The following DCAF1 variants were observed in gnomAD, a reference collection of about 807,000 sequenced individuals.
The protein encoded by DCAF1 is DDB1- and CUL4-associated factor 1.
Under a neutral mutation model 128.0 loss-of-function variants are expected in DCAF1, and 15 were observed. The observed-to-expected ratio is 0.12, with a 90% CI of 0.08 to 0.18. DCAF1 has a LOEUF of 0.18. Among genes scored for constraint, DCAF1 ranks in the 10% least tolerant of loss-of-function variants. The pLI is 1.00. For synonymous variants in DCAF1, 610 were observed against 603.0 expected, an observed-to-expected ratio of 1.01 and a Z score of -0.17; for missense variants, 988 against 1,649.5, an observed-to-expected ratio of 0.60 and a Z score of 6.95.
At chr3:51,426,936 G>T (rs1411834205) in intron 13 of DCAF1, among the ~76,000 whole-genome samples, 2 of 152,058 alleles carry the variant, frequency 1.3e-5, no homozygotes, top group Non-Finnish European at 2.9e-5. Flanking sequence ...AAACTAATTT[G>T]TGAAAATCCT....
chr3:51,502,804 AC>A (rs1553664611), upstream of DCAF1, among the ~76,000 whole-genome samples: 1 of 151,960 alleles, frequency 6.6e-6, no homozygotes, highest in Non-Finnish European at 1.5e-5. Context: ...ATAGCCACAC[AC>A]CTGCAGACAC....
chr3:51,414,156 AG>A, intron 19 of DCAF1, 113 bp from the exon 20 acceptor site: 1 of 1,356,108 alleles, frequency 7.4e-7, no homozygotes, highest in Non-Finnish European at 9.7e-7. Flanking sequence ...ATACTTTAAA[AG>A]TCAATGAGAT....
downstream of DCAF1, chr3:51,396,107 T>TAA (rs2089184590): frequency 4.9e-6 from 2 of 409,594 alleles, no homozygotes; most frequent in African/African-American, 2.1e-5. Context: ...GGTATGTTGT[T>TAA]AAGTCCAAAA....
chr3:51,401,341 T>G (rs890445221), intron 24 of DCAF1, among the ~76,000 whole-genome samples: 1 of 152,168 alleles, frequency 6.6e-6, no homozygotes, highest in South Asian at 2.1e-4. Context: ...TCAGAGCTAC[T>G]GCTCTAAAGG....
chr3:51,485,904 T>A (rs1485098860), intron 2 of DCAF1, among the ~76,000 whole-genome samples: 6 of 151,608 alleles, frequency 4.0e-5, no homozygotes, highest in Non-Finnish European at 7.4e-5. Flanking sequence ...TTTTTTTTTT[T>A]TTTTTTGAGG....
At chr3:51,489,336 G>A (rs1200649062) in intron 2 of DCAF1, among the ~76,000 whole-genome samples, 4 of 152,072 alleles carry the variant, frequency 2.6e-5, no homozygotes, top group African/African-American at 7.2e-5. Context: ...AGTAGGCTGA[G>A]GCATGAGAAT....
chr3:51,488,935 A>G (rs1332184212), intron 2 of DCAF1, among the ~76,000 whole-genome samples: 1 of 152,202 alleles, frequency 6.6e-6, no homozygotes, highest in African/African-American at 2.4e-5. Context: ...ACTGCATTCC[A>G]GTCTGCGCGA....
At chr3:51,419,584 T>G (rs1577086184) in intron 15 of DCAF1, 150 bp downstream of exon 15, 1 of 1,372,048 alleles carries the variant, frequency 7.3e-7, no homozygotes. Context: ...GAACCCATGG[T>G]TGACAAAAGG....
intron 13 of DCAF1, 88 bp from the exon 14 acceptor site, chr3:51,422,519 CACAT>C: frequency 1.4e-6 from 1 of 692,248 alleles, no homozygotes. Context: ...GACAGATAGA[CACAT>C]ACACACAGAG....
chr3:51,454,092 G>C lies in DCAF1; in HGVS notation c.375+9022C>G, dbSNP rs572990329. Among the ~76,000 whole-genome samples, 8 of 152,288 alleles carry C rather than the reference G, an allele frequency of 5.3e-5. No individual in the cohort carries two copies. In the East Asian group the frequency reaches 1.5e-3, roughly 29 times the overall value. ...CTGTCTCACTCTCTTGTCAGGGCTG[G>C]AGTGCGGCAGCACGATCAGGGCTAA... On this transcript the variant is annotated intron_variant, in intron 6 of 24. Coordinates refer to ENST00000684031, the MANE Select transcript of DCAF1 (RefSeq NM_001387579.1).
chr3:51,417,860 ATGT>A (rs1553630925), intron 17 of DCAF1, among the ~76,000 whole-genome samples: 15 of 152,232 alleles, frequency 9.9e-5, no homozygotes, highest in Non-Finnish European at 1.8e-4. Context: ...GCAATGTCCT[ATGT>A]GAACATGGGA....
chr3:51,418,191 G>A lies in DCAF1; in HGVS notation c.3443C>T (p.Ser1148Phe). The change falls in exon 17 of 25, where the codon TCC becomes TTC. Residue 1148 changes from serine to phenylalanine, a missense_variant. Ser to Phe is a radical substitution (Grantham distance 155, BLOSUM62 -2). Coordinates refer to ENST00000684031, the MANE Select transcript of DCAF1 (RefSeq NM_001387579.1). The stretch of plus-strand genomic sequence containing the variant: ...CCAAGTAGCAGATGTCAGCAGCAAG[G>A]ACCCATCCTAAAAGAAAAAGGCGCA... Reference protein sequence around the residue: ...ITHLEPSRDGSLLLTSATWSQ... With the variant: ...ITHLEPSRDGFLLLTSATWSQ... The A allele has an allele frequency of 6.2e-7, 1 of 1,610,466 alleles. No individual in the cohort carries two copies. Among genetic ancestry groups the A allele is most frequent in the East Asian group, 2.2e-5 (1 of 44,810 alleles).
chr3:51,496,329 A>G (rs1708232103), intron 2 of DCAF1, among the ~76,000 whole-genome samples: 1 of 152,154 alleles, frequency 6.6e-6, no homozygotes, highest in African/African-American at 2.4e-5. Context: ...CCGGAGGCTG[A>G]GGCAGCAGAA....
intron 24 of DCAF1, among the ~76,000 whole-genome samples, chr3:51,400,491 G>C (rs574579778): frequency 6.6e-6 from 1 of 152,210 alleles, no homozygotes; most frequent in Non-Finnish European, 1.5e-5. Flanking sequence ...GCACATCTAA[G>C]AACTGTAAAT....
chr3:51,495,416 G>A (rs1308732290), intron 2 of DCAF1, among the ~76,000 whole-genome samples: 2 of 152,106 alleles, frequency 1.3e-5, no homozygotes, highest in African/African-American at 2.4e-5. Context: ...GGAAGGCTGA[G>A]GTAGGAGGAT....
chr3:51,408,256 C>G (rs79283476), intron 23 of DCAF1, among the ~76,000 whole-genome samples: 1,722 of 152,242 alleles, frequency 0.011, 45 homozygotes, highest in African/African-American at 0.038. Flanking sequence ...TATGGCATGT[C>G]AATTATATCT....
At chr3:51,500,513 A>G (rs1421204172), upstream of DCAF1, among the ~76,000 whole-genome samples, 2 of 152,228 alleles carry the variant, frequency 1.3e-5, no homozygotes, top group Admixed American at 6.6e-5. Context: ...CACTCATTAA[A>G]TCAGAAGGCA....
At chr3:51,480,126 T>A (rs1473985389) in intron 3 of DCAF1, among the ~76,000 whole-genome samples, 30 of 124,152 alleles carry the variant, frequency 2.4e-4, no homozygotes, top group East Asian at 4.5e-4. Flanking sequence ...AAAAAAAAAA[T>A]TTTTTTTAAT....
At chr3:51,479,133 T>A (rs1553651749) in intron 3 of DCAF1, among the ~76,000 whole-genome samples, 1 of 152,092 alleles carries the variant, frequency 6.6e-6, no homozygotes, top group Non-Finnish European at 1.5e-5. Flanking sequence ...ATTTATTAAA[T>A]AAAATTATAT....
Sources: gnomAD v4.1 joint callset for allele counts (sites outside exome capture counted in the v4.1 genomes callset) on GRCh38, gnomAD v4.1.1 for gene constraint, MANE v1.5 for transcripts, NCBI Gene and HGNC (gene_info 2026-07-23, HGNC 2026-07-21) for gene names.